Variants in NOTUM observed in about 807,000 individuals in gnomAD.
NOTUM encodes palmitoleoyl-protein carboxylesterase NOTUM.
A neutral mutation model predicts 65.5 loss-of-function variants in NOTUM; 36 were observed. The ratio of observed to expected loss-of-function variants is 0.55; its 90% CI spans 0.42 to 0.73. The LOEUF (loss-of-function observed/expected upper bound fraction) is 0.73. Ranked by LOEUF, NOTUM falls within the 30% of genes least tolerant of loss-of-function variation. The pLI is 0.00. For synonymous variants in NOTUM, 356 were observed against 297.9 expected (o/e 1.20, Z -2.01); for missense variants, 659 against 694.2 (o/e 0.95, Z 0.57).
chr17:81,959,771 G>A (rs1029720909), intron 1 of NOTUM, 79 bp from the exon 2 acceptor site: 65 of 879,298 alleles, frequency 7.4e-5, no homozygotes, highest in Admixed American at 1.3e-4. Context: ...TCCGGCGGAG[G>A]GAACGCGCCA....
intron 7 of NOTUM, 34 bp downstream of exon 7, chr17:81,956,849 G>A: frequency 6.3e-7 from 1 of 1,599,588 alleles, no homozygotes; most frequent in Non-Finnish European, 8.5e-7. Context: ...GGGCAAAGCT[G>A]CAGCACGAGG....
rs768027860 is a variant in NOTUM at position 81,958,970 on chromosome 17, C to T, written c.498G>A (p.Pro166=). The T allele has an allele frequency of 5.6e-6, 9 of 1,613,094 alleles. No individual in the cohort carries two copies. The highest frequency in any genetic ancestry group is 1.7e-4 in the Middle Eastern group (1 of 6,058). Residue 166 remains proline, a synonymous_variant, in exon 4 of 11, where the codon CCG becomes CCA. Transcript: ENST00000409678. The part of the protein sequence containing the change: ...RTGTGILSSQ[P]EENPYWWNAN... ...CGTTCCACCAGTAGGGGTTCTCCTC[C>T]GGCTGTGAGGACAGGATCCCTGTGC...
chr17:81,957,998 C>T (rs2041446162), intron 5 of NOTUM, 90 bp from the exon 6 acceptor site: 1 of 938,946 alleles, frequency 1.1e-6, no homozygotes, highest in Non-Finnish European at 1.7e-6. Flanking sequence ...AGTTCTTGCC[C>T]CACTGGGGGA....
In NOTUM at chr17:81,959,680, C is replaced by T. The variant is rs1229432564; in HGVS notation, c.336G>A (p.Lys112=). The T allele has an allele frequency of 1.3e-6, 2 of 1,531,034 alleles. No homozygotes were observed. The highest frequency in any genetic ancestry group is 1.8e-6 in the Non-Finnish European group (2 of 1,139,996). 94.8% of individuals were successfully genotyped at this position (1,531,034 alleles called of 1,614,324 possible). ...GCCACCGCCGGCTGCCCCTGGACTC[C>T]TTCAGGTAGTAGCTGCGGGGGAGGA... ...NDGSPAGYYL[K]ESRGSRRWLL... The change falls in exon 2 of 11, where the codon AAG becomes AAA. Residue 112 remains lysine (K), a synonymous_variant. Coordinates refer to ENST00000409678, the MANE Select transcript of NOTUM (RefSeq NM_178493.6).
rs2041470166 is a variant in NOTUM at position 81,960,812 on chromosome 17, G to A, written c.98C>T (p.Pro33Leu). 6.5e-6 allele frequency: 10 copies of A among 1,538,046 alleles called. No homozygotes were observed. The highest frequency in any genetic ancestry group is 7.9e-6 in the Non-Finnish European group (9 of 1,144,012). The change falls in exon 1 of 11, where the codon CCG becomes CTG. Residue 33 changes from proline (P) to leucine (L), a missense_variant. Physicochemically the swap from Pro to Leu is moderately conservative, Grantham distance 98. Coordinates refer to ENST00000409678, the MANE Select transcript of NOTUM (RefSeq NM_178493.6). The surrounding 1 kb of genome is among the most constrained non-coding windows in gnomAD (Gnocchi z 6.4). ...CGCCTCGGTCCGCGGGGGAGGAGGC[G>A]GCTGCTGACCCCGGCGCCGCCAGGT... ...RKTWRRRGQQPPPPPRTEAAP... is the reference protein window; with the variant it reads ...RKTWRRRGQQLPPPPRTEAAP...
Position 81,956,719 on chromosome 17 carries a change from G to C in NOTUM, c.919C>G (p.Arg307Gly), listed in dbSNP as rs2041436139. 8 of 1,612,798 alleles carry C rather than the reference G, an allele frequency of 5.0e-6. No homozygotes were observed. The highest frequency in any genetic ancestry group is 1.7e-5 in the Admixed American group (1 of 59,992). The stretch of plus-strand genomic sequence containing the variant: ...TCCTCGCCCTCCTGGAACTGGCGTC[G>C]GCAGCGCTCCGGGACCACCCCGTTC... ...YWNGVVPERC[R>G]RQFQEGEEWN... Residue 307 changes from arginine to glycine, a missense_variant, in exon 8 of 11, where the codon CGA becomes GGA. Transcript: ENST00000409678.
Position 81,953,036 on chromosome 17 carries a change from G to C in NOTUM, c.1416C>G (p.Phe472Leu). 6.2e-7 allele frequency: 1 copy of C among 1,614,014 alleles called. No homozygotes were observed. The highest frequency in any genetic ancestry group is 8.5e-7 in the Non-Finnish European group (1 of 1,179,994). The change falls in exon 11 of 11, where the codon TTC (phenylalanine) becomes TTG (leucine). Residue 472 changes from phenylalanine to leucine, a missense_variant. Coordinates refer to ENST00000409678, the MANE Select transcript of NOTUM (RefSeq NM_178493.6). ...NVAQFLMHMG[F>L]DMQTVAQPQG... Reference sequence around the variant, plus strand: ...GCGGCTGGGCCACCGTCTGCATGTCGAAGCCCATGTGCATGAGGAACTGGG... The same window carrying C: ...GCGGCTGGGCCACCGTCTGCATGTCCAAGCCCATGTGCATGAGGAACTGGG...
Position 81,953,285 on chromosome 17 carries a change from G to A in NOTUM, c.1185-18C>T. Reference sequence around the variant, plus strand: ...TCCAGTGGCTGCAGAGGAAAACCGGGGGAGGGGGTCACATGTGCGGAGTGG... The same window carrying A: ...TCCAGTGGCTGCAGAGGAAAACCGGAGGAGGGGGTCACATGTGCGGAGTGG... On this transcript the variant is annotated intron_variant, in intron 10 of 10. Coordinates refer to ENST00000409678, the MANE Select transcript of NOTUM (RefSeq NM_178493.6). 3 of 1,555,614 alleles carry A rather than the reference G, an allele frequency of 1.9e-6. No individual in the cohort carries two copies. Among genetic ancestry groups the A allele is most frequent in the Non-Finnish European group, 1.7e-6 (2 of 1,145,388 alleles).
intron 8 of NOTUM, among the ~76,000 whole-genome samples, chr17:81,956,419 C>G (rs566370220): frequency 6.6e-6 from 1 of 152,178 alleles, no homozygotes; most frequent in African/African-American, 2.4e-5. Context: ...CCAGGCATGC[C>G]GCAGCGACTA....
chr17:81,953,584 G>A (rs983350753), intron 10 of NOTUM, among the ~76,000 whole-genome samples: 4 of 152,036 alleles, frequency 2.6e-5, no homozygotes, highest in Non-Finnish European at 5.9e-5. Flanking sequence ...GTGAGCCACC[G>A]TATCTAGCCT....
Position 81,959,522 on chromosome 17 carries a change from C to T in NOTUM, c.421G>A (p.Asp141Asn), listed in dbSNP as rs756457765. ...GAGCTCATGAGGCGCCGCATGGTGTCGTATCTGGAGTCGCAGTTCTCGCGG... is the reference window on the plus strand; with the variant it reads ...GAGCTCATGAGGCGCCGCATGGTGTTGTATCTGGAGTCGCAGTTCTCGCGG... ...FNRENCDSRY[D>N]TMRRLMSSRD... The change falls in exon 3 of 11, where the codon GAC (aspartate) becomes AAC (asparagine). Residue 141 changes from aspartate to asparagine, a missense_variant. By Grantham distance (23) the Asp-to-Asn change is conservative (BLOSUM62 1). Coordinates refer to ENST00000409678, the MANE Select transcript of NOTUM (RefSeq NM_178493.6). 7.1e-6 allele frequency: 11 copies of T among 1,549,154 alleles called. No individual in the cohort carries two copies. The South Asian group carries it at 1.2e-4, about 17-fold the overall frequency.
rs2041468484 is a variant in NOTUM, at chr17:81,960,702, C to T, written c.208G>A (p.Val70Ile). 1.9e-6 allele frequency: 3 copies of T among 1,604,032 alleles called. No individual in the cohort carries two copies. The highest frequency in any genetic ancestry group is 2.2e-5 in the South Asian group (2 of 89,282). The change falls in exon 1 of 11, where the codon GTC (valine) becomes ATC (isoleucine). Residue 70 changes from valine (V) to isoleucine (I), a missense_variant. Val to Ile is a conservative substitution (Grantham distance 29, BLOSUM62 3). Transcript: ENST00000409678. This position sits in a 1 kb window ranked among gnomAD's most constrained non-coding sequence, Gnocchi z 6.4. Reference protein sequence around the residue: ...EGNMDSFMAQVKSLAQSLYPC... With the variant: ...EGNMDSFMAQIKSLAQSLYPC... The stretch of plus-strand genomic sequence containing the variant: ...TACAGGGACTGCGCCAGGCTCTTGA[C>T]TTGCGCCATGAAGCTGTCCATGTTA...
chr17:81,960,817 C>G lies in NOTUM; in HGVS notation c.93G>C (p.Gln31His). Reference sequence around the variant, plus strand: ...CGGTCCGCGGGGGAGGAGGCGGCTGCTGACCCCGGCGCCGCCAGGTCTTCC... The same window carrying G: ...CGGTCCGCGGGGGAGGAGGCGGCTGGTGACCCCGGCGCCGCCAGGTCTTCC... ...EGRKTWRRRG[Q>H]QPPPPPRTEA... is the part of the protein sequence containing the mutation. Residue 31 changes from glutamine to histidine, a missense_variant, in exon 1 of 11, where the codon CAG becomes CAC. Gln to His is a conservative substitution (Grantham distance 24, BLOSUM62 0). Coordinates refer to ENST00000409678, the MANE Select transcript of NOTUM (RefSeq NM_178493.6). The surrounding 1 kb of genome is among the most constrained non-coding windows in gnomAD (Gnocchi z 6.4). The G allele has an allele frequency of 6.5e-7, 1 of 1,531,732 alleles. No individual in the cohort carries two copies. Among genetic ancestry groups the G allele is most frequent in the South Asian group, 1.2e-5 (1 of 83,476 alleles). 94.9% of individuals were successfully genotyped at this position (1,531,732 alleles called of 1,614,324 possible).
At position 81,955,483 on chromosome 17, in the gene NOTUM, G is replaced by T. The variant is rs1056471004; in HGVS notation, c.1050C>A (p.His350Gln). ...CCTCCTGCACCGGCTGCCCCGTCAGGTGCACGTTGTCCACCGTCAGCTGTG... is the reference window on the plus strand; with the variant it reads ...CCTCCTGCACCGGCTGCCCCGTCAGTTGCACGTTGTCCACCGTCAGCTGTG... ...DEAQLTVDNVHLTGQPVQEGL... is the reference protein window; with the variant it reads ...DEAQLTVDNVQLTGQPVQEGL... Residue 350 changes from histidine (H) to glutamine (Q), a missense_variant, in exon 9 of 11, where the codon CAC becomes CAA. Coordinates refer to ENST00000409678, the MANE Select transcript of NOTUM (RefSeq NM_178493.6). 4.3e-6 allele frequency: 7 copies of T among 1,611,158 alleles called. No homozygotes were observed. The Middle Eastern group carries it at 9.9e-4, about 228-fold the overall frequency.
chr17:81,959,749 C>T (rs536558376), intron 1 of NOTUM, 57 bp from the exon 2 acceptor site: 332 of 1,109,604 alleles, frequency 3.0e-4, no homozygotes, highest in Non-Finnish European at 3.6e-4. Context: ...CGCCGCGCCC[C>T]GCGCGCCCAG....
rs928889100 is a variant in NOTUM at position 81,960,224 on chromosome 17, G to C, written c.323+363C>G. 2.6e-5 allele frequency among the ~76,000 whole-genome samples: 4 copies of C among 152,218 alleles called. No homozygotes were observed. The highest frequency in any genetic ancestry group is 4.8e-5 in the African/African-American group (2 of 41,448). ...CGACCTCACGTCTTTTATCTACTTC[G>C]GGGCTGCAAGGAGGTGGGCAGCGGG... is the stretch of plus-strand genomic sequence containing the variant. On this transcript the variant is annotated intron_variant, in intron 1 of 10. Coordinates refer to ENST00000409678, the MANE Select transcript of NOTUM (RefSeq NM_178493.6). The surrounding 1 kb of genome is among the most constrained non-coding windows in gnomAD (Gnocchi z 6.4).
At chr17:81,959,438 G>A (rs1222703674) in intron 3 of NOTUM, 33 bp downstream of exon 3, 41 of 1,507,746 alleles carry the variant, frequency 2.7e-5, no homozygotes, top group Non-Finnish European at 2.9e-5. Context: ...CGGGCCTCAC[G>A]TCGAGACGCC....
At position 81,953,044 on chromosome 17, in the gene NOTUM, T is replaced by C. The variant is rs1052613733; in HGVS notation, c.1408A>G (p.Met470Val). The C allele has an allele frequency of 3.1e-6, 5 of 1,613,812 alleles. No individual in the cohort carries two copies. Among genetic ancestry groups the C allele is most frequent in the East Asian group, 2.2e-5 (1 of 44,878 alleles). ...EMNVAQFLMH[M>V]GFDMQTVAQP... is the part of the protein sequence containing the mutation. Reference sequence around the variant, plus strand: ...GCCACCGTCTGCATGTCGAAGCCCATGTGCATGAGGAACTGGGCCACGTTC... The same window carrying C: ...GCCACCGTCTGCATGTCGAAGCCCACGTGCATGAGGAACTGGGCCACGTTC... Residue 470 changes from methionine to valine, a missense_variant, in exon 11 of 11, where the codon ATG becomes GTG. By Grantham distance (21) the Met-to-Val change is conservative. Coordinates refer to ENST00000409678, the MANE Select transcript of NOTUM (RefSeq NM_178493.6).
In NOTUM at chr17:81,960,674, G is replaced by C; in HGVS notation, c.236C>G (p.Pro79Arg). ...QVKSLAQSLY[P>R]CSAQQLNEDL... ...CTCGTTGAGCTGCTGCGCGGAGCAG[G>C]GGTACAGGGACTGCGCCAGGCTCTT... The change falls in exon 1 of 11, where the codon CCC becomes CGC. Residue 79 changes from proline to arginine, a missense_variant. Coordinates refer to ENST00000409678, the MANE Select transcript of NOTUM (RefSeq NM_178493.6). The surrounding 1 kb of genome is among the most constrained non-coding windows in gnomAD (Gnocchi z 6.4). The C allele has an allele frequency of 6.3e-7, 1 of 1,597,528 alleles. No individual in the cohort carries two copies. Among genetic ancestry groups the C allele is most frequent in the East Asian group, 2.3e-5 (1 of 44,286 alleles).
Sources: allele counts gnomAD v4.1 joint callset (sites outside exome capture counted in the v4.1 genomes callset), GRCh38; gene constraint gnomAD v4.1.1; non-coding constraint Gnocchi (gnomAD v3.1); transcripts MANE v1.5; gene names NCBI Gene and HGNC (gene_info 2026-07-23, HGNC 2026-07-21).